ANXA8: variants seen among roughly 807,000 people sequenced by gnomAD.
ANXA8 encodes the protein VAC-beta.
In ANXA8, 9 loss-of-function variants were observed where a neutral mutation model predicts 26.8. The observed-to-expected ratio is 0.34, with a 90% confidence interval of 0.20 to 0.59. The LOEUF (loss-of-function observed/expected upper bound fraction) is 0.59, where lower values mean the gene tolerates loss of function less well. Among genes scored for constraint, ANXA8 ranks in the 20% least tolerant of loss-of-function variants. The pLI is 0.84. For synonymous variants in ANXA8, 39 were observed against 94.8 expected, an observed-to-expected ratio of 0.41 and a Z score of 3.42; for missense variants, 83 against 238.5, an observed-to-expected ratio of 0.35 and a Z score of 4.29.
the ANXA8 span, chr10:47,565,176 T>G: frequency 4.2e-6 from 3 of 707,402 alleles, no homozygotes; most frequent in South Asian, 4.4e-5. Flanking sequence ...CTGGCCGCCG[T>G]GCAGGGCGAC....
At chr10:47,777,801 T>G in the ANXA8 span, among the ~76,000 whole-genome samples, 1 of 151,876 alleles carries the variant, frequency 6.6e-6, no homozygotes, top group Non-Finnish European at 1.5e-5. Context: ...CATTTTTTTT[T>G]AGAGAGAAGG....
the ANXA8 span, among the ~76,000 whole-genome samples, chr10:47,559,042 C>T: frequency 6.7e-6 from 1 of 150,084 alleles, no homozygotes; most frequent in African/African-American, 2.5e-5. Context: ...CCTTTCAGAA[C>T]TTTGTATGTA....
chr10:47,937,099 G>T, the ANXA8 span, among the ~76,000 whole-genome samples: 1 of 149,802 alleles, frequency 6.7e-6, no homozygotes, highest in Non-Finnish European at 1.5e-5. Context: ...CCTCCTTCTA[G>T]TCCTCCTCTC....
At chr10:47,525,408 G>A in the ANXA8 span, among the ~76,000 whole-genome samples, 2 of 143,398 alleles carry the variant, frequency 1.4e-5, no homozygotes, top group African/African-American at 5.3e-5. Context: ...TCCATCCCAA[G>A]AAACAAAACA....
At chr10:47,659,426 T>C in the ANXA8 span, among the ~76,000 whole-genome samples, 1 of 151,544 alleles carries the variant, frequency 6.6e-6, no homozygotes, top group Non-Finnish European at 1.5e-5. Flanking sequence ...ATGTCTGTAA[T>C]CCCAGCGCTT....
chr10:47,677,357 C>T, the ANXA8 span, among the ~76,000 whole-genome samples: 701 of 152,078 alleles, frequency 4.6e-3, 3 homozygotes, highest in African/African-American at 0.016. Context: ...GAGGGATTAA[C>T]CGCTACGAGA....
chr10:47,690,039 A>G, the ANXA8 span: 1 of 1,124,236 alleles, frequency 8.9e-7, no homozygotes, highest in Non-Finnish European at 1.2e-6. Context: ...ACTCCTCTAG[A>G]CTGAGTGGCA....
At chr10:47,696,585 A>C in the ANXA8 span, 1 of 1,261,664 alleles carries the variant, frequency 7.9e-7, no homozygotes, top group East Asian at 3.1e-5. Flanking sequence ...TTAGAGTTAA[A>C]ATGGTTCTTT....
At chr10:47,948,611 G>T in the ANXA8 span, among the ~76,000 whole-genome samples, 1 of 148,932 alleles carries the variant, frequency 6.7e-6, no homozygotes, top group South Asian at 2.1e-4. Flanking sequence ...AGTAACCTGT[G>T]GGAAAATATT....
At chr10:47,492,309 C>A in the ANXA8 span, among the ~76,000 whole-genome samples, 1 of 147,746 alleles carries the variant, frequency 6.8e-6, no homozygotes, top group Non-Finnish European at 1.5e-5. Context: ...AGCGTAGTCA[C>A]CTGGTGTCGC....
the ANXA8 span, among the ~76,000 whole-genome samples, chr10:47,709,780 G>A: frequency 2.2e-5 from 2 of 93,000 alleles, no homozygotes; most frequent in Non-Finnish European, 2.1e-5. Flanking sequence ...AACCAGTGAG[G>A]TGGCTCTGAG....
the ANXA8 span, among the ~76,000 whole-genome samples, chr10:47,508,158 G>A: frequency 8.1e-5 from 8 of 98,674 alleles, no homozygotes; most frequent in Admixed American, 3.5e-4. Flanking sequence ...TCTGCCTCCC[G>A]GGTTCAAGAG....
At chr10:47,490,005 GC>G in the ANXA8 span, among the ~76,000 whole-genome samples, 3 of 150,168 alleles carry the variant, frequency 2.0e-5, no homozygotes, top group African/African-American at 7.5e-5. Context: ...AAGCCCCTTG[GC>G]CCTGCCCGGC....
At chr10:47,942,850 G>T in the ANXA8 span, among the ~76,000 whole-genome samples, 21 of 145,344 alleles carry the variant, frequency 1.4e-4, 1 homozygote, top group Admixed American at 4.8e-4. Context: ...GGAGCCTTTA[G>T]TGGGGAGCCA....
At chr10:47,660,985 T>C in the ANXA8 span, among the ~76,000 whole-genome samples, 1,450 of 151,208 alleles carry the variant, frequency 9.6e-3, 7 homozygotes, top group Middle Eastern at 0.041. Flanking sequence ...TAACACAATA[T>C]TGGCAAGCTA....
the ANXA8 span, among the ~76,000 whole-genome samples, chr10:47,747,952 T>C: frequency 6.6e-6 from 1 of 151,738 alleles, no homozygotes. Context: ...TGAACTGTAA[T>C]ATAGGACAGA....
At chr10:47,777,585 A>C in the ANXA8 span, among the ~76,000 whole-genome samples, 8 of 152,174 alleles carry the variant, frequency 5.3e-5, no homozygotes, top group Non-Finnish European at 1.0e-4. Flanking sequence ...AGAGGGAAAA[A>C]CACACCCACC....
the ANXA8 span, among the ~76,000 whole-genome samples, chr10:47,958,231 C>T: frequency 1.3e-5 from 2 of 149,952 alleles, no homozygotes; most frequent in African/African-American, 5.0e-5. Context: ...GTAATCCCAA[C>T]ACTTTGGGAA....
At chr10:47,952,443 AG>A in the ANXA8 span, among the ~76,000 whole-genome samples, 1 of 150,300 alleles carries the variant, frequency 6.7e-6, no homozygotes, top group South Asian at 2.1e-4. Context: ...AGTAAACAAA[AG>A]ATCAGTTGTT....
Sources: allele counts gnomAD v4.1 joint callset (sites outside exome capture counted in the v4.1 genomes callset), GRCh38; gene constraint gnomAD v4.1.1; transcripts MANE v1.5; gene names NCBI Gene and HGNC (gene_info 2026-07-23, HGNC 2026-07-21).